NMNAT2: variants seen among roughly 807,000 people sequenced by gnomAD.
NMNAT2 encodes the protein nicotinamide nucleotide adenylyltransferase 2, also known as nicotinamide/nicotinic acid mononucleotide adenylyltransferase 2.
NMNAT2 carries 11 observed loss-of-function variants against 41.6 expected under a neutral mutation model. The observed-to-expected ratio is 0.26, with a 90% CI of 0.17 to 0.44. The LOEUF is 0.44. Among genes scored for constraint, NMNAT2 ranks in the 20% least tolerant of loss-of-function variants. The pLI is 1.00. For missense variants in NMNAT2, 288 were observed against 407.7 expected (o/e 0.71, Z 2.53); for synonymous variants, 148 against 151.2 (o/e 0.98, Z 0.16).
intron 6 of NMNAT2, 148 bp downstream of exon 6, chr1:183,284,562 G>A (rs1320145938): frequency 4.2e-6 from 3 of 718,354 alleles, no homozygotes; most frequent in Non-Finnish European, 7.6e-6. Context: ...GCCTGTGTGG[G>A]GGGATACGTT....
intron 8 of NMNAT2, among the ~76,000 whole-genome samples, chr1:183,268,998 A>G (rs1191049971): frequency 6.6e-6 from 1 of 152,218 alleles, no homozygotes; most frequent in Non-Finnish European, 1.5e-5. Context: ...TGAGTCTAGA[A>G]GTTCAAGGCT....
rs1443407366 is a variant in NMNAT2, at chr1:183,250,594, A to C, written c.*2047T>G. 6.6e-6 allele frequency: 1 copy of C among 152,610 alleles called. No individual in the cohort carries two copies. The highest frequency in any genetic ancestry group is 1.5e-5 in the Non-Finnish European group (1 of 68,042). 9.5% of individuals were successfully genotyped at this position (152,610 alleles called of 1,614,324 possible). A position where few individuals can be genotyped will look rare whatever the true frequency, so the allele number is the denominator to read the frequency against. The stretch of plus-strand genomic sequence containing the variant: ...TGTCAGGCCCTACACCTGCTGGCTG[A>C]CCTGGACCAGCCATTTAATCCCATG... On this transcript the variant is annotated 3_prime_UTR_variant, in exon 11 of 11. Transcript: ENST00000287713.
intron 1 of NMNAT2, among the ~76,000 whole-genome samples, chr1:183,381,567 T>C (rs1457833169): frequency 6.6e-6 from 1 of 151,960 alleles, no homozygotes; most frequent in Admixed American, 6.6e-5. Context: ...TGTGGTGGTG[T>C]GCACCTGTAA....
chr1:183,292,105 T>C (rs984634880), intron 3 of NMNAT2, among the ~76,000 whole-genome samples: 1 of 152,258 alleles, frequency 6.6e-6, no homozygotes, highest in African/African-American at 2.4e-5. Flanking sequence ...ACAGCACAAA[T>C]GGCATGCCAT....
chr1:183,273,330 GT>G lies in NMNAT2; in HGVS notation c.651+5222del, dbSNP rs1437818788. ...TATTCTTTTAACAGCAGATTTCAGGGTTTTGGCCTCATGGTCTCCAAGCAAA... is the reference window on the plus strand; with the variant it reads ...TATTCTTTTAACAGCAGATTTCAGGGTTTGGCCTCATGGTCTCCAAGCAAA... On this transcript the variant is annotated intron_variant, in intron 8 of 10. Transcript: ENST00000287713. 2.0e-5 allele frequency among the ~76,000 whole-genome samples: 3 copies of G among 152,320 alleles called. No individual in the cohort carries two copies. The East Asian group carries it at 5.8e-4, about 29-fold the overall frequency.
chr1:183,354,555 G>T (rs973786463), intron 1 of NMNAT2, among the ~76,000 whole-genome samples: 4 of 151,886 alleles, frequency 2.6e-5, no homozygotes, highest in Non-Finnish European at 5.9e-5. Context: ...AGGACTACAG[G>T]CATGTGCCAC....
intron 1 of NMNAT2, among the ~76,000 whole-genome samples, chr1:183,412,451 C>T (rs1649145758): frequency 6.6e-6 from 1 of 152,204 alleles, no homozygotes; most frequent in Admixed American, 6.5e-5. Context: ...TCTCGATCTC[C>T]TGACCTCATG....
intron 7 of NMNAT2, among the ~76,000 whole-genome samples, chr1:183,280,496 T>G (rs1661231629): frequency 6.6e-6 from 1 of 152,082 alleles, no homozygotes; most frequent in South Asian, 2.1e-4. Context: ...CAAGCAATTC[T>G]CTTGCCTCAG....
At chr1:183,361,014 G>T (rs992892947) in intron 1 of NMNAT2, among the ~76,000 whole-genome samples, 2 of 152,112 alleles carry the variant, frequency 1.3e-5, no homozygotes, top group Non-Finnish European at 2.9e-5. Context: ...TCTGAAAGGG[G>T]TTTTTCTGTC....
chr1:183,354,555 G>A (rs973786463), intron 1 of NMNAT2, among the ~76,000 whole-genome samples: 4 of 151,886 alleles, frequency 2.6e-5, no homozygotes, highest in African/African-American at 9.7e-5. Context: ...AGGACTACAG[G>A]CATGTGCCAC....
At chr1:183,336,239 C>T (rs1276754716) in intron 1 of NMNAT2, among the ~76,000 whole-genome samples, 1 of 151,894 alleles carries the variant, frequency 6.6e-6, no homozygotes, top group African/African-American at 2.4e-5. Flanking sequence ...ACAAACAAGG[C>T]AATTAAAAGA....
At chr1:183,309,505 T>G (rs898464099) in intron 1 of NMNAT2, among the ~76,000 whole-genome samples, 1 of 152,226 alleles carries the variant, frequency 6.6e-6, no homozygotes, top group African/African-American at 2.4e-5. Context: ...CTTGGCACGT[T>G]AATGTGTTTG....
intron 1 of NMNAT2, among the ~76,000 whole-genome samples, chr1:183,336,467 T>C (rs1275029041): frequency 6.6e-6 from 1 of 152,214 alleles, no homozygotes; most frequent in Non-Finnish European, 1.5e-5. Flanking sequence ...AAAGAGAGTA[T>C]AGAGAGAATA....
At chr1:183,374,825 C>G (rs1663635977) in intron 1 of NMNAT2, among the ~76,000 whole-genome samples, 1 of 152,126 alleles carries the variant, frequency 6.6e-6, no homozygotes, top group Non-Finnish European at 1.5e-5. Flanking sequence ...GGCTGACAGC[C>G]ACACTGAGTG....
intron 1 of NMNAT2, among the ~76,000 whole-genome samples, chr1:183,417,514 C>T (rs892236510): frequency 1.3e-5 from 2 of 152,102 alleles, no homozygotes; most frequent in African/African-American, 4.8e-5. Context: ...GCCCCCTCCC[C>T]GTCCTAGGCA....
At chr1:183,275,382 C>T (rs1396192800) in intron 8 of NMNAT2, among the ~76,000 whole-genome samples, 2 of 151,990 alleles carry the variant, frequency 1.3e-5, no homozygotes, top group African/African-American at 4.8e-5. Context: ...CCTCGCAGAT[C>T]AGCTGTGGGT....
chr1:183,362,957 T>G (rs1413264885), intron 1 of NMNAT2, among the ~76,000 whole-genome samples: 1 of 152,216 alleles, frequency 6.6e-6, no homozygotes, highest in Non-Finnish European at 1.5e-5. Flanking sequence ...TCAACACTTG[T>G]TATTGTCTGT....
intron 10 of NMNAT2, among the ~76,000 whole-genome samples, chr1:183,258,150 A>C (rs1447680795): frequency 3.9e-5 from 6 of 152,204 alleles, no homozygotes; most frequent in Non-Finnish European, 7.3e-5. Flanking sequence ...AAAGGACTCC[A>C]GTGACACATT....
At chr1:183,380,136 T>C (rs1663771933) in intron 1 of NMNAT2, among the ~76,000 whole-genome samples, 1 of 152,218 alleles carries the variant, frequency 6.6e-6, no homozygotes, top group African/African-American at 2.4e-5. Context: ...AGAGATTTTG[T>C]TCAGGTTTCA....
Sources: allele counts gnomAD v4.1 joint callset (sites outside exome capture counted in the v4.1 genomes callset), GRCh38; gene constraint gnomAD v4.1.1; transcripts MANE v1.5; gene names NCBI Gene and HGNC (gene_info 2026-07-23, HGNC 2026-07-21).